SPINK4: variants seen among roughly 807,000 people sequenced by gnomAD.
SPINK4 encodes the protein serine peptidase inhibitor Kazal type 4, also known as serine protease inhibitor Kazal-type 4.
Under a neutral mutation model 12.3 loss-of-function variants are expected in SPINK4, and 10 were observed. The ratio of observed to expected loss-of-function variants is 0.81; its 90% CI spans 0.50 to 1.37. SPINK4 has a LOEUF of 1.37. Ranked by LOEUF, SPINK4 falls within the 40% of genes most tolerant of loss-of-function variation. The pLI, the probability that SPINK4 is intolerant of heterozygous loss-of-function variation, is 0.00. For synonymous variants in SPINK4, 37 were observed against 40.2 expected (o/e 0.92, Z 0.30); for missense variants, 91 against 109.0 (o/e 0.84, Z 0.73).
At chr9:33,241,353 CA>C (rs1820232498) in intron 1 of SPINK4, among the ~76,000 whole-genome samples, 1 of 152,158 alleles carries the variant, frequency 6.6e-6, no homozygotes. Context: ...AAGCTTTGAG[CA>C]GAGAGTTATG....
intron 2 of SPINK4, among the ~76,000 whole-genome samples, chr9:33,246,024 G>A (rs1820281688): frequency 6.6e-6 from 1 of 152,194 alleles, no homozygotes; most frequent in African/African-American, 2.4e-5. Context: ...TCCTGACTGA[G>A]TTCTCACCTT....
intron 3 of SPINK4, among the ~76,000 whole-genome samples, chr9:33,247,116 G>A (rs1441530593): frequency 2.0e-5 from 3 of 151,620 alleles, no homozygotes. Context: ...TACAATTGGT[G>A]TAAGGGGGAA....
intron 1 of SPINK4, among the ~76,000 whole-genome samples, chr9:33,240,690 T>C (rs1257174783): frequency 6.6e-6 from 1 of 152,150 alleles, no homozygotes; most frequent in Non-Finnish European, 1.5e-5. Flanking sequence ...GAGCTCCCGA[T>C]CTCTCTGAAA....
intron 1 of SPINK4, among the ~76,000 whole-genome samples, chr9:33,243,846 A>G (rs1820262033): frequency 1.3e-5 from 2 of 152,274 alleles, no homozygotes; most frequent in Admixed American, 6.5e-5. Flanking sequence ...ACCCTGTAAT[A>G]GCATCTCCAG....
At chr9:33,241,359 G>T (rs1820232623) in intron 1 of SPINK4, among the ~76,000 whole-genome samples, 1 of 152,232 alleles carries the variant, frequency 6.6e-6, no homozygotes, top group Non-Finnish European at 1.5e-5. Context: ...TGAGCAGAGA[G>T]TTATGTCTTT....
At chr9:33,245,388 C>T (rs987363209) in intron 2 of SPINK4, among the ~76,000 whole-genome samples, 1 of 152,192 alleles carries the variant, frequency 6.6e-6, no homozygotes, top group African/African-American at 2.4e-5. Flanking sequence ...ATGTCCCCCA[C>T]CTGGTGTCCA....
At chr9:33,240,438 A>T (rs1820221584) in intron 1 of SPINK4, among the ~76,000 whole-genome samples, 169 bp downstream of exon 1, 1 of 152,206 alleles carries the variant, frequency 6.6e-6, no homozygotes, top group Non-Finnish European at 1.5e-5. Flanking sequence ...GCTGGGAGAA[A>T]AGAAACTTGG....
At position 33,248,508 on chromosome 9, in the gene SPINK4, G is replaced by A. The variant is rs1587781887; in HGVS notation, c.*37G>A. The A allele has an allele frequency of 6.2e-7, 1 of 1,612,028 alleles. No individual in the cohort carries two copies. Among genetic ancestry groups the A allele is most frequent in the Non-Finnish European group, 8.5e-7 (1 of 1,178,700 alleles). Reference sequence around the variant, plus strand: ...CACCTCAAGCCATGAAGTGTCAGCTGGAGAACAGTGGTGGGCATGGAGAGG... The same window carrying A: ...CACCTCAAGCCATGAAGTGTCAGCTAGAGAACAGTGGTGGGCATGGAGAGG... On this transcript the variant is annotated 3_prime_UTR_variant, in exon 4 of 4. Transcript: ENST00000379721.
intron 3 of SPINK4, among the ~76,000 whole-genome samples, chr9:33,247,116 G>C (rs1441530593): frequency 6.6e-6 from 1 of 151,620 alleles, no homozygotes; most frequent in East Asian, 1.9e-4. Flanking sequence ...TACAATTGGT[G>C]TAAGGGGGAA....
chr9:33,242,561 C>G (rs527804546), intron 1 of SPINK4, among the ~76,000 whole-genome samples: 30 of 151,818 alleles, frequency 2.0e-4, no homozygotes, highest in Non-Finnish European at 2.9e-4. Context: ...GGTCAGCTTA[C>G]GCAGTACCCT....
chr9:33,246,698 CGAAT>C lies in SPINK4; in HGVS notation c.191_194del (p.Glu64AlafsTer8), dbSNP rs1820289623. On this transcript the variant is annotated frameshift_variant, in exon 3 of 4. Coordinates refer to ENST00000379721, the MANE Select transcript of SPINK4 (RefSeq NM_014471.3). LOFTEE classifies it high-confidence loss of function. ...TGCGGCACTGATGGGCTCACATATA[CGAAT>C]GAATGCCAGCTCTGCTTGGCCCGGA... The C allele has an allele frequency of 1.9e-6, 3 of 1,613,870 alleles. No individual in the cohort carries two copies. The highest frequency in any genetic ancestry group is 2.5e-6 in the Non-Finnish European group (3 of 1,180,002).
intron 1 of SPINK4, 93 bp downstream of exon 1, chr9:33,240,362 C>A (rs1377064229): frequency 5.1e-6 from 6 of 1,178,832 alleles, no homozygotes; most frequent in Non-Finnish European, 7.0e-6. Context: ...CCCTGTGAGG[C>A]CTCAGCTTTT....
chr9:33,243,209 G>A (rs1564073450), intron 1 of SPINK4, among the ~76,000 whole-genome samples: 2 of 151,978 alleles, frequency 1.3e-5, no homozygotes, highest in African/African-American at 2.4e-5. Flanking sequence ...AAATAGCTGG[G>A]ATTATAGGTG....
At chr9:33,248,193 C>G in intron 3 of SPINK4, 1 of 555,664 alleles carries the variant, frequency 1.8e-6, no homozygotes, top group East Asian at 3.0e-5. Flanking sequence ...CAGCCATCAG[C>G]GTGCGCTGGT....
rs1352101978 is a variant in SPINK4 at position 33,245,169 on chromosome 9, T to A, written c.102+17T>A. ...TCAAGAATGGTAAGGCAGCTGCGTG[T>A]TGTTCTCACCTTCTCTCTGCTGAGA... On this transcript the variant is annotated intron_variant, in intron 2 of 3. Transcript: ENST00000379721. The A allele has an allele frequency of 6.2e-7, 1 of 1,612,666 alleles. No homozygotes were observed. Among genetic ancestry groups the A allele is most frequent in the Non-Finnish European group, 8.5e-7 (1 of 1,179,336 alleles).
intron 3 of SPINK4, chr9:33,248,067 C>T (rs1048878393): frequency 4.1e-6 from 1 of 242,038 alleles, no homozygotes; most frequent in African/African-American, 2.2e-5. Flanking sequence ...GGGGTCTGTA[C>T]CAGTTCTGTG....
chr9:33,246,583 C>A (rs770337230), intron 2 of SPINK4, 33 bp from the exon 3 acceptor site: 1 of 1,586,566 alleles, frequency 6.3e-7, no homozygotes, highest in South Asian at 1.1e-5. Context: ...GCCTCTGAAT[C>A]CCTGAGTCCT....
intron 1 of SPINK4, among the ~76,000 whole-genome samples, chr9:33,243,725 A>C (rs2117876614): frequency 6.6e-6 from 1 of 152,226 alleles, no homozygotes; most frequent in Admixed American, 6.5e-5. Flanking sequence ...GAAGGGTTTT[A>C]AGCAGTTCAG....
intron 1 of SPINK4, among the ~76,000 whole-genome samples, chr9:33,240,651 T>C (rs1820224742): frequency 6.6e-6 from 1 of 152,150 alleles, no homozygotes; most frequent in South Asian, 2.1e-4. Context: ...GGGTGGTGGA[T>C]GCTAAGAGAG....
Sources: allele counts gnomAD v4.1 joint callset (sites outside exome capture counted in the v4.1 genomes callset), GRCh38; gene constraint gnomAD v4.1.1; transcripts MANE v1.5; gene names NCBI Gene and HGNC (gene_info 2026-07-23, HGNC 2026-07-21).